The following SORBS2 variants were observed in gnomAD, a reference collection of about 807,000 sequenced individuals.
The protein encoded by SORBS2 is sorbin and SH3 domain-containing protein 2.
A neutral mutation model predicts 97.7 loss-of-function variants in SORBS2; 46 were observed. The ratio of observed to expected loss-of-function variants is 0.47; its 90% CI spans 0.37 to 0.60. SORBS2 has a LOEUF of 0.60. Among genes scored for constraint, SORBS2 ranks in the 20% least tolerant of loss-of-function variants. SORBS2 has a pLI of 0.00. For missense variants in SORBS2, 1,316 were observed against 1,282.3 expected, an observed-to-expected ratio of 1.03 and a Z score of -0.40; for synonymous variants, 476 against 473.4, an observed-to-expected ratio of 1.01 and a Z score of -0.07.
intron 12 of SORBS2, among the ~76,000 whole-genome samples, chr4:185,600,770 T>C (rs571661646): frequency 2.0e-5 from 3 of 152,164 alleles, no homozygotes; most frequent in Non-Finnish European, 4.4e-5. Flanking sequence ...GCCTGTCAAA[T>C]TTCATGGACT....
chr4:185,664,114 A>G (rs1582169471), intron 4 of SORBS2, among the ~76,000 whole-genome samples: 1 of 151,886 alleles, frequency 6.6e-6, no homozygotes, highest in East Asian at 1.9e-4. Flanking sequence ...TCGGCCTCCC[A>G]AAGTGCTGGG....
At chr4:185,780,849 T>G (rs34425211) in intron 1 of SORBS2, among the ~76,000 whole-genome samples, 18,699 of 152,290 alleles carry the variant, frequency 0.12, 1,693 homozygotes, top group East Asian at 0.44. Flanking sequence ...ACCAGTATCA[T>G]TGAAAGAGAT....
chr4:185,605,090 A>G (rs142002382), intron 12 of SORBS2, among the ~76,000 whole-genome samples: 20 of 152,310 alleles, frequency 1.3e-4, no homozygotes, highest in Middle Eastern at 3.4e-3. Flanking sequence ...TGAATTATCT[A>G]TCTGTTATTA....
chr4:185,734,364 C>T (rs1442925480), intron 2 of SORBS2, among the ~76,000 whole-genome samples: 4 of 152,210 alleles, frequency 2.6e-5, no homozygotes, highest in Admixed American at 6.5e-5. Flanking sequence ...TTACATACTA[C>T]AATTAGTCAC....
intron 4 of SORBS2, among the ~76,000 whole-genome samples, chr4:185,670,652 G>C (rs1293005062): frequency 6.7e-6 from 1 of 150,220 alleles, no homozygotes. Context: ...CAAAAGTGCT[G>C]GGATTACAGG....
chr4:185,798,087 A>G (rs1017983266), intron 1 of SORBS2, among the ~76,000 whole-genome samples: 37 of 152,184 alleles, frequency 2.4e-4, no homozygotes, highest in African/African-American at 8.9e-4. Flanking sequence ...TCAGAGGTGC[A>G]CGGTGTGTGC....
intron 14 of SORBS2, 132 bp downstream of exon 26, chr4:185,589,547 A>G (rs980451678): frequency 2.1e-4 from 144 of 671,252 alleles, no homozygotes; most frequent in Non-Finnish European, 3.5e-4. Context: ...TACATTGTGC[A>G]TATGAATGTC....
intron 1 of SORBS2, among the ~76,000 whole-genome samples, chr4:185,780,383 T>C (rs936303748): frequency 6.6e-6 from 1 of 152,034 alleles, no homozygotes; most frequent in Non-Finnish European, 1.5e-5. Flanking sequence ...GCAAGAAAAA[T>C]AAGGATACCT....
intron 2 of SORBS2, chr4:185,734,152 G>A (rs2098666034): frequency 6.6e-6 from 1 of 152,574 alleles, no homozygotes; most frequent in Admixed American, 6.5e-5. Context: ...TCCTATTCTC[G>A]CTCTAGAAAA....
intron 1 of SORBS2, among the ~76,000 whole-genome samples, chr4:185,843,545 T>C (rs562572161): frequency 1.4e-4 from 22 of 152,132 alleles, no homozygotes; most frequent in African/African-American, 5.1e-4. Context: ...TTCCATATGG[T>C]AGAAATAAAC....
At chr4:185,908,277 C>CTATATATATATA (rs66526913) in intron 1 of SORBS2, among the ~76,000 whole-genome samples, 10 of 89,560 alleles carry the variant, frequency 1.1e-4, no homozygotes, top group Non-Finnish European at 1.5e-4. Context: ...CATGCAAAGG[C>CTATATATATATA]TATATATATA....
At chr4:185,950,408 G>A (rs185045523) in intron 1 of SORBS2, among the ~76,000 whole-genome samples, 5 of 152,340 alleles carry the variant, frequency 3.3e-5, no homozygotes, top group East Asian at 3.9e-4. Context: ...CAGAGAGGCT[G>A]TAGTCTAGGG....
intron 1 of SORBS2, among the ~76,000 whole-genome samples, chr4:185,908,172 C>T (rs1455458305): frequency 1.3e-5 from 2 of 151,270 alleles, no homozygotes; most frequent in African/African-American, 2.4e-5. Context: ...CAACTTCCTA[C>T]CTGACCTGGC....
At chr4:185,889,254 T>C (rs2099241254) in intron 1 of SORBS2, among the ~76,000 whole-genome samples, 1 of 152,208 alleles carries the variant, frequency 6.6e-6, no homozygotes, top group African/African-American at 2.4e-5. Context: ...GTTTGCACTT[T>C]CTTCTAAACT....
At chr4:185,903,926 A>G (rs1485108467) in intron 1 of SORBS2, among the ~76,000 whole-genome samples, 2 of 152,228 alleles carry the variant, frequency 1.3e-5, no homozygotes, top group Non-Finnish European at 2.9e-5. Flanking sequence ...CTTGACTTAG[A>G]AAACTAGTGG....
intron 7 of SORBS2, 66 bp from the exon 20 acceptor site, chr4:185,620,217 A>G (rs1324669199): frequency 3.8e-6 from 4 of 1,063,408 alleles, no homozygotes; most frequent in Non-Finnish European, 5.8e-6. Flanking sequence ...CTGTTCCGCC[A>G]TTTTCCCTGG....
At chr4:185,622,223 T>C (rs559391182) in intron 7 of SORBS2, among the ~76,000 whole-genome samples, 2 of 152,336 alleles carry the variant, frequency 1.3e-5, no homozygotes, top group Admixed American at 1.3e-4. Context: ...ATAGTGTAAT[T>C]CAAATTTCAA....
Position 185,729,961 on chromosome 4 carries a change from C to CTT in SORBS2, c.-198+45264_-198+45265dup, listed in dbSNP as rs371827172. Among the ~76,000 whole-genome samples the CTT allele has an allele frequency of 1.6e-3, 242 of 150,908 alleles. 1 individual carries two copies. The highest frequency in any genetic ancestry group is 5.7e-3 in the African/African-American group (234 of 41,152). On this transcript the variant is annotated intron_variant, in intron 2 of 20. Transcript: ENST00000284776. ...TAGTGAAGTTTACATTTTCTTTTTT[C>CTT]TTTTTTTTTGAGATGGAGTCTTGCT...
chr4:185,953,725 C>A (rs1561334362), intron 1 of SORBS2, among the ~76,000 whole-genome samples: 1 of 152,206 alleles, frequency 6.6e-6, no homozygotes, highest in East Asian at 1.9e-4. Flanking sequence ...ACTCCATCAT[C>A]CCCAGTGAGG....
Sources: allele counts gnomAD v4.1 joint callset (sites outside exome capture counted in the v4.1 genomes callset), GRCh38; gene constraint gnomAD v4.1.1; transcripts MANE v1.5; gene names NCBI Gene and HGNC (gene_info 2026-07-23, HGNC 2026-07-21).